Variants in AGBL1 observed in about 807,000 individuals in gnomAD.
The protein encoded by AGBL1 is cytosolic carboxypeptidase 4.
AGBL1 carries 130 observed loss-of-function variants against 118.9 expected under a neutral mutation model. That is an observed-to-expected ratio of 1.09 (90% confidence interval 0.95 to 1.26). The LOEUF is 1.26. Among genes scored for constraint, AGBL1 ranks in the 50% most tolerant of loss-of-function variants. AGBL1 has a pLI of 0.00. For missense variants in AGBL1, 1,584 were observed against 1,298.1 expected (o/e 1.22, Z -3.38); for synonymous variants, 555 against 478.9 (o/e 1.16, Z -2.08).
chr15:86,787,358 C>T lies in AGBL1; in HGVS notation c.3158+112922C>T, dbSNP rs118157274. ...TAGATCTCTAGACTTATTCATCCTA[C>T]ATACTCTAGACTTACTCATTCTATG... is the stretch of plus-strand genomic sequence containing the variant. On this transcript the variant is annotated intron_variant, in intron 22 of 22. Coordinates refer to ENST00000614907, the MANE Select transcript of AGBL1 (RefSeq NM_001386094.1). 9.4e-3 allele frequency among the ~76,000 whole-genome samples: 1,430 copies of T among 152,232 alleles called. 62 individuals carry two copies. In the South Asian group the frequency reaches 0.11, roughly 11 times the overall value.
chr15:86,102,787 T>C (rs1896813912), intron 1 of AGBL1, among the ~76,000 whole-genome samples: 1 of 152,198 alleles, frequency 6.6e-6, no homozygotes, highest in African/African-American at 2.4e-5. Context: ...ATTGTATCTA[T>C]TTGGGGATCT....
At chr15:86,467,653 AGGTATAGT>A (rs1027049236) in intron 18 of AGBL1, among the ~76,000 whole-genome samples, 2 of 152,214 alleles carry the variant, frequency 1.3e-5, no homozygotes, top group African/African-American at 4.8e-5. Flanking sequence ...ACCATGGGAA[AGGTATAGT>A]GTCTTGGCCA....
rs1051630111 is a variant in AGBL1, at chr15:86,109,138, C to T, written c.51+29115C>T. Among the ~76,000 whole-genome samples, 54 of 152,156 alleles carry T rather than the reference C, an allele frequency of 3.5e-4. 1 individual carries two copies. The highest frequency in any genetic ancestry group is 1.3e-3 in the African/African-American group (52 of 41,434). On this transcript the variant is annotated intron_variant, in intron 1 of 22. Coordinates refer to ENST00000614907, the MANE Select transcript of AGBL1 (RefSeq NM_001386094.1). ...ATATCTACTACAACTCCTTGGTATA[C>T]TTGGTAGGTACTCATTAAATATTAC...
At chr15:86,625,378 T>C (rs900354329) in intron 21 of AGBL1, among the ~76,000 whole-genome samples, 1 of 40,584 alleles carries the variant, frequency 2.5e-5, no homozygotes, top group Non-Finnish European at 4.3e-5. Flanking sequence ...TTTTTTTTTT[T>C]GTTTTTGTTT....
chr15:86,225,264 C>T (rs915811922), intron 6 of AGBL1, among the ~76,000 whole-genome samples: 19 of 151,830 alleles, frequency 1.3e-4, no homozygotes, highest in African/African-American at 3.9e-4. Flanking sequence ...GGACCCTCCA[C>T]CCCTGTCTAA....
intron 22 of AGBL1, among the ~76,000 whole-genome samples, chr15:86,886,048 G>GT (rs1219074834): frequency 3.9e-5 from 6 of 152,100 alleles, no homozygotes; most frequent in African/African-American, 9.6e-5. Context: ...TGATTTTTTG[G>GT]TTTTTTTCAT....
At chr15:86,147,848 C>A (rs1415019381) in intron 3 of AGBL1, among the ~76,000 whole-genome samples, 2 of 152,186 alleles carry the variant, frequency 1.3e-5, no homozygotes, top group Non-Finnish European at 2.9e-5. Flanking sequence ...GGAGACACCT[C>A]CCAGTAGGGG....
intron 20 of AGBL1, among the ~76,000 whole-genome samples, chr15:86,550,139 T>C (rs946546081): frequency 1.3e-5 from 2 of 151,636 alleles, no homozygotes; most frequent in African/African-American, 4.8e-5. Context: ...CAACATGTAA[T>C]GGGAGGCCCA....
chr15:86,319,971 G>A lies in AGBL1; in HGVS notation c.2374+24563G>A, dbSNP rs141627539. Among the ~76,000 whole-genome samples the A allele has an allele frequency of 5.0e-3, 766 of 151,908 alleles. 6 individuals carry two copies. Among genetic ancestry groups the A allele is most frequent in the African/African-American group, 0.018 (734 of 41,446 alleles). On this transcript the variant is annotated intron_variant, in intron 17 of 22. Transcript: ENST00000614907. ...AGGGTTTCACCACATTGGTCAGGCTGGTCTCAAACTCCTGACCTCAGGTGA... is the reference window on the plus strand; with the variant it reads ...AGGGTTTCACCACATTGGTCAGGCTAGTCTCAAACTCCTGACCTCAGGTGA...
intron 5 of AGBL1, among the ~76,000 whole-genome samples, chr15:86,163,493 T>G (rs1365889960): frequency 6.6e-6 from 1 of 152,098 alleles, no homozygotes; most frequent in African/African-American, 2.4e-5. Flanking sequence ...TTTGGGAGGC[T>G]GAGGTGGGTG....
chr15:86,233,727 T>C (rs982368526), intron 6 of AGBL1, among the ~76,000 whole-genome samples: 2 of 152,228 alleles, frequency 1.3e-5, no homozygotes, highest in African/African-American at 2.4e-5. Flanking sequence ...CTAGTGAAGT[T>C]TGACCTGGAG....
intron 18 of AGBL1, among the ~76,000 whole-genome samples, chr15:86,442,299 A>G (rs1033353030): frequency 6.6e-6 from 1 of 152,200 alleles, no homozygotes; most frequent in African/African-American, 2.4e-5. Context: ...CTACAGTATA[A>G]TGGAATGAGC....
chr15:86,383,009 C>G (rs1387014244), intron 17 of AGBL1, among the ~76,000 whole-genome samples: 1 of 152,118 alleles, frequency 6.6e-6, no homozygotes, highest in Non-Finnish European at 1.5e-5. Flanking sequence ...TTGAACAGCT[C>G]TGCTCTGGTG....
intron 1 of AGBL1, among the ~76,000 whole-genome samples, chr15:86,115,017 T>C (rs1897667075): frequency 6.6e-6 from 1 of 152,212 alleles, no homozygotes; most frequent in African/African-American, 2.4e-5. Flanking sequence ...GTGCTAACTG[T>C]TCACCACTGG....
At chr15:86,447,831 T>C (rs902735742) in intron 18 of AGBL1, among the ~76,000 whole-genome samples, 3 of 152,076 alleles carry the variant, frequency 2.0e-5, no homozygotes, top group African/African-American at 7.2e-5. Flanking sequence ...AAAGAACTAA[T>C]AATATAAGGC....
At chr15:86,538,988 G>A (rs1055918768) in intron 19 of AGBL1, among the ~76,000 whole-genome samples, 5 of 152,236 alleles carry the variant, frequency 3.3e-5, no homozygotes, top group Non-Finnish European at 7.3e-5. Flanking sequence ...TGCGGAGCAA[G>A]AAATCATGGA....
chr15:86,561,695 T>A (rs936498229), intron 21 of AGBL1, among the ~76,000 whole-genome samples: 1 of 152,186 alleles, frequency 6.6e-6, no homozygotes, highest in African/African-American at 2.4e-5. Context: ...GTGAAGAAAG[T>A]CATTGGTAGC....
chr15:86,628,160 G>A lies in AGBL1; in HGVS notation c.2995-46113G>A, dbSNP rs145083122. ...AAATCACCTGTGGGTTTGTTACATA[G>A]CTTGCTGGGCCCCACCCCTAGAGTT... is the stretch of plus-strand genomic sequence containing the variant. On this transcript the variant is annotated intron_variant, in intron 21 of 22. Coordinates refer to ENST00000614907, the MANE Select transcript of AGBL1 (RefSeq NM_001386094.1). 1.8e-4 allele frequency among the ~76,000 whole-genome samples: 27 copies of A among 152,230 alleles called. No individual in the cohort carries two copies. In the East Asian group the frequency reaches 5.2e-3, roughly 29 times the overall value.
At chr15:86,735,602 C>CTGTGTTTG (rs1555444814) in intron 22 of AGBL1, among the ~76,000 whole-genome samples, 1 of 141,916 alleles carries the variant, frequency 7.0e-6, no homozygotes, top group African/African-American at 2.7e-5. Context: ...GAGATACAGA[C>CTGTGTTTG]TGTGTGTGTG....
Sources: allele counts gnomAD v4.1 joint callset (sites outside exome capture counted in the v4.1 genomes callset), GRCh38; gene constraint gnomAD v4.1.1; transcripts MANE v1.5; gene names NCBI Gene and HGNC (gene_info 2026-07-23, HGNC 2026-07-21).